Variants in ZNF506 observed in about 807,000 individuals in gnomAD.
ZNF506 encodes zinc finger protein 506.
Under a neutral mutation model 11.6 loss-of-function variants are expected in ZNF506, and 10 were observed. The observed-to-expected ratio is 0.86, with a 90% CI of 0.53 to 1.46. ZNF506 has a LOEUF of 1.46. Ranked by LOEUF, ZNF506 falls within the 40% of genes most tolerant of loss-of-function variation. ZNF506 has a pLI of 0.00. For synonymous variants in ZNF506, 156 were observed against 173.3 expected, an observed-to-expected ratio of 0.90 and a Z score of 0.78; for missense variants, 425 against 521.2, an observed-to-expected ratio of 0.82 and a Z score of 1.80.
chr19:19,806,431 GT>G, intron 2 of ZNF506: 1 of 194,786 alleles, frequency 5.1e-6, no homozygotes. Flanking sequence ...TAATTTTTGC[GT>G]TTTTAGTACA....
intron 3 of ZNF506, chr19:19,795,923 A>T: frequency 7.1e-6 from 3 of 421,684 alleles, no homozygotes; most frequent in Non-Finnish European, 8.8e-6. Context: ...AATAGAAAAA[A>T]AGAAAAGTCT....
Position 19,806,980 on chromosome 19 carries a change from T to C in ZNF506, c.92A>G (p.Asp31Gly). ...GTTTCTGTAGTTCTCTAACATCACA[T>C]CCCTATATAGATTCCGCTGTGCAGC... The part of the protein sequence containing the change: ...LDAAQRNLYR[D>G]VMLENYRNLI... Residue 31 changes from aspartate to glycine, a missense_variant, in exon 2 of 4, where the codon GAT (aspartate) becomes GGT (glycine). Asp to Gly is a moderately conservative substitution (Grantham distance 94). Coordinates refer to ENST00000540806, the MANE Select transcript of ZNF506 (RefSeq NM_001099269.3). The C allele has an allele frequency of 6.2e-7, 1 of 1,613,978 alleles. No homozygotes were observed. Among genetic ancestry groups the C allele is most frequent in the Non-Finnish European group, 8.5e-7 (1 of 1,179,948 alleles).
At chr19:19,801,449 C>T (rs2062791796) in intron 3 of ZNF506, among the ~76,000 whole-genome samples, 1 of 150,830 alleles carries the variant, frequency 6.6e-6, no homozygotes, top group East Asian at 2.0e-4. Context: ...GAGCCAAAAT[C>T]ATGCCACTGC....
rs779844038 is a variant in ZNF506, at chr19:19,793,242, A to C, written c.*1310T>G. Among the ~76,000 whole-genome samples the C allele has an allele frequency of 2.6e-5, 4 of 152,176 alleles. No homozygotes were observed. Among genetic ancestry groups the C allele is most frequent in the African/African-American group, 7.2e-5 (3 of 41,454 alleles). On this transcript the variant is annotated 3_prime_UTR_variant, in exon 4 of 4. Coordinates refer to ENST00000540806, the MANE Select transcript of ZNF506 (RefSeq NM_001099269.3). Reference sequence around the variant, plus strand: ...ATTCATTTTTATACTCAATACTCTGATTTAGTGTAATGTCTGAAGTGTCAG... The same window carrying C: ...ATTCATTTTTATACTCAATACTCTGCTTTAGTGTAATGTCTGAAGTGTCAG...
At chr19:19,817,890 C>T (rs941267264) in intron 1 of ZNF506, among the ~76,000 whole-genome samples, 2 of 150,990 alleles carry the variant, frequency 1.3e-5, no homozygotes, top group Non-Finnish European at 2.9e-5. Flanking sequence ...TGCAATGGCC[C>T]GATCTCAGGT....
chr19:19,812,085 A>T (rs936152484), intron 1 of ZNF506, among the ~76,000 whole-genome samples: 3 of 152,052 alleles, frequency 2.0e-5, no homozygotes, highest in African/African-American at 7.3e-5. Flanking sequence ...CTTGTTTATC[A>T]TCCAAGTACC....
chr19:19,806,098 G>T lies in ZNF506; in HGVS notation c.159C>A (p.Ile53=), dbSNP rs762955915. 1.2e-6 allele frequency: 2 copies of T among 1,606,012 alleles called. No homozygotes were observed. The highest frequency in any genetic ancestry group is 1.7e-6 in the Non-Finnish European group (2 of 1,177,820). ...GTTTTTTTCCTTGCTCCAGACAGGT[G>T]ATCAGGTTTGGTTTAGAGACAACAA... ...LGIVVSKPNL[I]TCLEQGKKPL... The change falls in exon 3 of 4, where the codon ATC becomes ATA. Residue 53 remains isoleucine, a synonymous_variant. Coordinates refer to ENST00000540806, the MANE Select transcript of ZNF506 (RefSeq NM_001099269.3).
chr19:19,812,679 C>T (rs919432070), intron 1 of ZNF506, among the ~76,000 whole-genome samples: 1 of 152,150 alleles, frequency 6.6e-6, no homozygotes, highest in African/African-American at 2.4e-5. Context: ...AAAGTCTGGC[C>T]CTTTTTTATC....
chr19:19,805,628 T>C (rs2062829600), intron 3 of ZNF506, among the ~76,000 whole-genome samples: 1 of 152,050 alleles, frequency 6.6e-6, no homozygotes, highest in African/African-American at 2.4e-5. Context: ...AAACTAATAC[T>C]TTCACACACA....
chr19:19,801,174 AAAG>A (rs1376076819), intron 3 of ZNF506, among the ~76,000 whole-genome samples: 2 of 152,022 alleles, frequency 1.3e-5, no homozygotes, highest in East Asian at 1.9e-4. Context: ...AAAAATAAAA[AAAG>A]AAAAGAAAAC....
chr19:19,808,477 CAGA>C (rs1306386416), intron 1 of ZNF506, among the ~76,000 whole-genome samples: 1 of 151,734 alleles, frequency 6.6e-6, no homozygotes, highest in Non-Finnish European at 1.5e-5. Context: ...CTAATGCTCA[CAGA>C]AGAACACAGC....
intron 3 of ZNF506, 142 bp from the exon 4 acceptor site, chr19:19,795,802 A>T: frequency 1.2e-6 from 1 of 846,162 alleles, no homozygotes; most frequent in Non-Finnish European, 1.7e-6. Flanking sequence ...CTTCCTGGAT[A>T]TATAACTGTA....
rs1277299144 is a variant in ZNF506 at position 19,795,506 on chromosome 19, T to C, written c.381A>G (p.Lys127=). 2 of 1,600,160 alleles carry C rather than the reference T, an allele frequency of 1.2e-6. No homozygotes were observed. The highest frequency in any genetic ancestry group is 1.7e-6 in the Non-Finnish European group (2 of 1,175,086). ...ATTGTTTAAGTCCATTATAACCTCT[T>C]TTGTGCACTGGACACTCATCTACAC... ...CESVDECPVH[K]RGYNGLKQCL... is the part of the protein sequence containing the mutation. Residue 127 remains lysine, a synonymous_variant, in exon 4 of 4, where the codon AAA becomes AAG. Transcript: ENST00000540806.
At chr19:19,798,736 C>T (rs1231056436) in intron 3 of ZNF506, 3 of 144,620 alleles carry the variant, frequency 2.1e-5, no homozygotes, top group Non-Finnish European at 4.6e-5. Flanking sequence ...CATGTCAACA[C>T]AAAAATAAAA....
At chr19:19,815,292 A>T (rs944546610) in intron 1 of ZNF506, among the ~76,000 whole-genome samples, 1 of 151,740 alleles carries the variant, frequency 6.6e-6, no homozygotes, top group Non-Finnish European at 1.5e-5. Context: ...AAAAACAAAA[A>T]ATACCATTGT....
chr19:19,806,877 C>T (rs1186941538), intron 2 of ZNF506, 65 bp downstream of exon 2: 5 of 1,546,422 alleles, frequency 3.2e-6, no homozygotes, highest in Non-Finnish European at 4.4e-6. Context: ...AAAAAACATT[C>T]TACAAAAAAG....
intron 1 of ZNF506, 124 bp downstream of exon 1, chr19:19,821,477 G>A: frequency 1.6e-6 from 2 of 1,283,924 alleles, no homozygotes; most frequent in Admixed American, 1.7e-5. Flanking sequence ...AGAACTTGGA[G>A]CGCAGATTGT....
At chr19:19,819,289 T>G (rs932373822) in intron 1 of ZNF506, among the ~76,000 whole-genome samples, 1 of 151,800 alleles carries the variant, frequency 6.6e-6, no homozygotes, top group African/African-American at 2.4e-5. Context: ...AATACCAGCA[T>G]CTGATTGTCT....
intron 3 of ZNF506, among the ~76,000 whole-genome samples, chr19:19,803,705 A>T (rs1297430052): frequency 6.6e-6 from 1 of 151,994 alleles, no homozygotes; most frequent in Non-Finnish European, 1.5e-5. Context: ...CCAATAAAAG[A>T]TTTTTTACTT....
Sources: allele counts gnomAD v4.1 joint callset (sites outside exome capture counted in the v4.1 genomes callset), GRCh38; gene constraint gnomAD v4.1.1; transcripts MANE v1.5; gene names NCBI Gene and HGNC (gene_info 2026-07-23, HGNC 2026-07-21).